Variants in CCDC82 observed in about 807,000 individuals in gnomAD.
CCDC82 encodes coiled-coil domain containing 82, also known as coiled-coil domain-containing protein 82.
In CCDC82, 47 loss-of-function variants were observed where a neutral mutation model predicts 60.6. The ratio of observed to expected loss-of-function variants is 0.77; its 90% CI spans 0.61 to 0.99. CCDC82 has a LOEUF of 0.99. Ranked by LOEUF, CCDC82 falls within the 50% of genes least tolerant of loss-of-function variation. The probability of loss-of-function intolerance (pLI) is 0.00; values close to 1 mark genes in which losing one functional copy is unlikely to be tolerated. For synonymous variants in CCDC82, 212 were observed against 207.4 expected (o/e 1.02, Z -0.19); for missense variants, 588 against 633.0 (o/e 0.93, Z 0.76).
At chr11:96,358,468 C>T in intron 9 of CCDC82, 1 of 1,230,824 alleles carries the variant, frequency 8.1e-7, no homozygotes, top group Non-Finnish European at 1.0e-6. Flanking sequence ...TGGTCTGAAA[C>T]CTCTGCATTC....
At chr11:96,385,532 A>T (rs1010388138) in intron 3 of CCDC82, 1 of 152,304 alleles carries the variant, frequency 6.6e-6, no homozygotes, top group African/African-American at 2.4e-5. Flanking sequence ...AAATTGAGAG[A>T]TAATATATCC....
rs553736624 is a variant in CCDC82 at position 96,383,055 on chromosome 11, C to T, written c.991+214G>A. The T allele has an allele frequency of 1.2e-5, 6 of 485,676 alleles. No individual in the cohort carries two copies. In the East Asian group the frequency reaches 1.6e-4, roughly 13 times the overall value. 30.1% of individuals were successfully genotyped at this position (485,676 alleles called of 1,614,324 possible). Reference sequence around the variant, plus strand: ...ATGGTAAATATTGACAGGCATAACTCATTGAAGTAAAGGCGTGTTGGGGTT... The same window carrying T: ...ATGGTAAATATTGACAGGCATAACTTATTGAAGTAAAGGCGTGTTGGGGTT... On this transcript the variant is annotated intron_variant, in intron 5 of 9. Transcript: ENST00000646818.
intron 6 of CCDC82, among the ~76,000 whole-genome samples, 168 bp from the exon 7 acceptor site, chr11:96,371,305 G>A (rs1051287901): frequency 5.9e-5 from 9 of 152,050 alleles, no homozygotes; most frequent in Admixed American, 2.6e-4. Flanking sequence ...AGGGTAGGCC[G>A]GGCACGGTGC....
rs202123428 is a variant in CCDC82, at chr11:96,371,181, G to C, written c.1085-44C>G. The C allele has an allele frequency of 7.2e-6, 10 of 1,385,742 alleles. No individual in the cohort carries two copies. The East Asian group carries it at 2.7e-4, about 37-fold the overall frequency. 85.8% of individuals were successfully genotyped at this position (1,385,742 alleles called of 1,614,324 possible). ...ACAAAAAAAATCATTTTGTTAATTA[G>C]AAATATTTAAACTATTTAATACTTA... On this transcript the variant is annotated intron_variant, in intron 6 of 9. Coordinates refer to ENST00000646818, the MANE Select transcript of CCDC82 (RefSeq NM_024725.4).
chr11:96,380,315 G>A (rs1430858865), intron 5 of CCDC82, among the ~76,000 whole-genome samples: 1 of 151,654 alleles, frequency 6.6e-6, no homozygotes, highest in Non-Finnish European at 1.5e-5. Flanking sequence ...AGTTTGTAGG[G>A]ATAAAATCAT....
In CCDC82 at chr11:96,372,939, A is replaced by AT. The variant is rs566614460; in HGVS notation, c.1084+435dup. ...GGTCATAGATAGATTCATAGTACAA[A>AT]TGTTTTTACACTCACCTAAAACATC... On this transcript the variant is annotated intron_variant, in intron 6 of 9. Transcript: ENST00000646818. Among the ~76,000 whole-genome samples, 113 of 152,094 alleles carry AT rather than the reference A, an allele frequency of 7.4e-4. No individual in the cohort carries two copies. In the Middle Eastern group the frequency reaches 0.01, roughly 14 times the overall value.
intron 9 of CCDC82, chr11:96,358,222 T>C: frequency 2.9e-6 from 3 of 1,024,840 alleles, no homozygotes; most frequent in Non-Finnish European, 3.5e-6. Flanking sequence ...TGCCTGAAAA[T>C]CTACTATTTG....
chr11:96,358,512 G>C, intron 9 of CCDC82: 2 of 1,233,252 alleles, frequency 1.6e-6, no homozygotes, highest in Admixed American at 8.4e-5. Context: ...TCACTGCTCA[G>C]TCCCATGTCC....
intron 9 of CCDC82, 139 bp downstream of exon 9, chr11:96,358,854 A>AGCGGAAGAAGAGAAAATACAAACG (rs1395767053): frequency 7.0e-6 from 6 of 861,698 alleles, no homozygotes; most frequent in Admixed American, 3.0e-5. Flanking sequence ...GAAAGGAATG[A>AGCGGAAGAAGAGAAAATACAAACG]GCGGAAGAAG....
At position 96,383,481 on chromosome 11, in the gene CCDC82, A is replaced by G. The variant is rs552232169; in HGVS notation, c.787-8T>C. On this transcript the variant is annotated splice_polypyrimidine_tract_variant and splice_region_variant and intron_variant, in intron 4 of 9. Coordinates refer to ENST00000646818, the MANE Select transcript of CCDC82 (RefSeq NM_024725.4). ...AGATTCCTTTTCAGAGTCCTAATTA[A>G]ATTAAAATAAATGCTTCAGTAAATG... 1.3e-6 allele frequency: 2 copies of G among 1,539,098 alleles called. No individual in the cohort carries two copies. Among genetic ancestry groups the G allele is most frequent in the Non-Finnish European group, 1.8e-6 (2 of 1,130,258 alleles).
chr11:96,388,093 C>A (rs1207690117), intron 1 of CCDC82: 2 of 152,142 alleles, frequency 1.3e-5, no homozygotes, highest in African/African-American at 4.8e-5. Flanking sequence ...GTAAAAAATT[C>A]TGTTACTGAA....
chr11:96,362,541 A>C (rs1864719084), intron 8 of CCDC82, among the ~76,000 whole-genome samples: 2 of 152,158 alleles, frequency 1.3e-5, no homozygotes, highest in Admixed American at 1.3e-4. Flanking sequence ...CTCTGGGCAA[A>C]ACTAAACATA....
At chr11:96,366,052 T>C (rs1336169289) in intron 7 of CCDC82, among the ~76,000 whole-genome samples, 1 of 152,232 alleles carries the variant, frequency 6.6e-6, no homozygotes, top group African/African-American at 2.4e-5. Context: ...CTTTATGACA[T>C]GTATTACTTA....
At chr11:96,372,666 A>G (rs1221981676) in intron 6 of CCDC82, among the ~76,000 whole-genome samples, 3 of 145,656 alleles carry the variant, frequency 2.1e-5, no homozygotes, top group Non-Finnish European at 3.0e-5. Context: ...ATAAATATAT[A>G]TAAACATATA....
At chr11:96,365,205 T>A (rs1864883698) in intron 7 of CCDC82, 55 bp from the exon 8 acceptor site, 6 of 1,185,616 alleles carry the variant, frequency 5.1e-6, no homozygotes, top group Admixed American at 2.8e-5. Context: ...AAAATAAAAG[T>A]AAGAATCTAA....
intron 6 of CCDC82, among the ~76,000 whole-genome samples, chr11:96,372,441 T>C (rs1254917964): frequency 6.6e-6 from 1 of 151,800 alleles, no homozygotes; most frequent in African/African-American, 2.4e-5. Flanking sequence ...AGGAATCTAA[T>C]ATGCCTTAAG....
chr11:96,358,747 A>G, intron 9 of CCDC82: 1 of 920,392 alleles, frequency 1.1e-6, no homozygotes, highest in East Asian at 3.2e-5. Context: ...AGGTCCTTCA[A>G]TAAAGGACAG....
At position 96,365,053 on chromosome 11, in the gene CCDC82, G is replaced by T; in HGVS notation, c.1307C>A (p.Ser436Ter). ...ATACAACTCTCCTGATAAATGCACT[G>T]AATATTTACAGTAGCGATGCAGTCC... ...ACGLHRYCKYSVHLSGELYNT... is the reference protein window; with the variant it reads ...ACGLHRYCKY The change falls in exon 8 of 10, where the codon TCA (serine) becomes TAA (stop). Residue 436 changes from serine (S) to a stop codon, truncating the protein, a stop_gained. Coordinates refer to ENST00000646818, the MANE Select transcript of CCDC82 (RefSeq NM_024725.4). LOFTEE classifies it high-confidence loss of function. The T allele has an allele frequency of 6.2e-7, 1 of 1,610,222 alleles. No individual in the cohort carries two copies. Among genetic ancestry groups the T allele is most frequent in the Non-Finnish European group, 8.5e-7 (1 of 1,178,086 alleles).
chr11:96,359,212 C>A, intron 8 of CCDC82, 34 bp from the exon 9 acceptor site: 1 of 1,508,832 alleles, frequency 6.6e-7, no homozygotes, highest in Non-Finnish European at 8.8e-7. Context: ...TATCTGACAA[C>A]GAATATATAT....
Sources: gnomAD v4.1 joint callset for allele counts (sites outside exome capture counted in the v4.1 genomes callset) on GRCh38, gnomAD v4.1.1 for gene constraint, MANE v1.5 for transcripts, NCBI Gene and HGNC (gene_info 2026-07-23, HGNC 2026-07-21) for gene names.